Variants in MAGI2 observed in about 807,000 individuals in gnomAD.
The protein encoded by MAGI2 is membrane associated guanylate kinase, WW and PDZ domain containing 2, also known as membrane-associated guanylate kinase, WW and PDZ domain-containing protein 2.
MAGI2 carries 35 observed loss-of-function variants against 133.3 expected under a neutral mutation model. The ratio of observed to expected loss-of-function variants is 0.26; its 90% CI spans 0.20 to 0.35. The LOEUF is 0.35. Among genes scored for constraint, MAGI2 ranks in the 10% least tolerant of loss-of-function variants. MAGI2 has a pLI of 1.00. For synonymous variants in MAGI2, 729 were observed against 710.6 expected (o/e 1.03, Z -0.41); for missense variants, 1,636 against 1,863.4 (o/e 0.88, Z 2.25).
At chr7:78,155,546 G>A (rs561664344) in intron 16 of MAGI2, among the ~76,000 whole-genome samples, 1 of 152,300 alleles carries the variant, frequency 6.6e-6, no homozygotes, top group East Asian at 1.9e-4. Context: ...CCCAGGAGGT[G>A]AAGGTTGCAG....
At chr7:79,056,816 TAC>T (rs1813187928) in intron 1 of MAGI2, among the ~76,000 whole-genome samples, 1 of 152,224 alleles carries the variant, frequency 6.6e-6, no homozygotes, top group African/African-American at 2.4e-5. Flanking sequence ...TTCACTAAAA[TAC>T]TGCATGCAAT....
At chr7:78,176,908 G>GACTCTCACACACACAC (rs781171770) in intron 14 of MAGI2, among the ~76,000 whole-genome samples, 69 of 130,484 alleles carry the variant, frequency 5.3e-4, no homozygotes, top group African/African-American at 1.8e-3. Context: ...ACCATATATA[G>GACTCTCACACACACAC]ACACACACAC....
chr7:78,061,815 G>A (rs886854946), intron 21 of MAGI2, among the ~76,000 whole-genome samples: 7 of 152,202 alleles, frequency 4.6e-5, no homozygotes, highest in African/African-American at 1.4e-4. Context: ...AAAATCCAGC[G>A]AATACACTGA....
At position 78,160,263 on chromosome 7, in the gene MAGI2, G is replaced by T; in HGVS notation, c.2607C>A (p.Cys869Ter). ...AGCCTGGACTTCTCCCGTTCTCTGG[G>T]CAGGGCTCCCCTGCAAAATATACCA... Reference protein sequence around the residue: ...RRKVLCGGEPCPENGRSPGSV... With the variant: ...RRKVLCGGEP Residue 869 changes from cysteine (C) to a stop codon, truncating the protein, a stop_gained, in exon 16 of 22, where the codon TGC becomes TGA. Coordinates refer to ENST00000354212, the MANE Select transcript of MAGI2 (RefSeq NM_012301.4). LOFTEE classifies it high-confidence loss of function. 6.3e-7 allele frequency: 1 copy of T among 1,590,018 alleles called. No homozygotes were observed. Among genetic ancestry groups the T allele is most frequent in the Non-Finnish European group, 8.6e-7 (1 of 1,167,090 alleles).
intron 10 of MAGI2, among the ~76,000 whole-genome samples, chr7:78,241,319 A>C (rs931849395): frequency 4.6e-5 from 7 of 152,200 alleles, no homozygotes; most frequent in African/African-American, 1.7e-4. Context: ...GTGTGACAAT[A>C]ACTCTACAAG....
chr7:78,431,313 TC>T (rs1799772748), intron 6 of MAGI2, among the ~76,000 whole-genome samples: 2 of 152,102 alleles, frequency 1.3e-5, no homozygotes. Context: ...TCACAGTTTG[TC>T]CATTTTCTTT....
At chr7:79,406,379 G>A (rs1845810292) in intron 1 of MAGI2, among the ~76,000 whole-genome samples, 1 of 151,996 alleles carries the variant, frequency 6.6e-6, no homozygotes, top group South Asian at 2.1e-4. Context: ...GCCTGAGAGG[G>A]GCAAGGTACA....
intron 2 of MAGI2, among the ~76,000 whole-genome samples, chr7:78,843,629 G>A (rs1030870881): frequency 1.3e-5 from 2 of 151,702 alleles, no homozygotes; most frequent in Non-Finnish European, 2.9e-5. Flanking sequence ...GCAATTTTGT[G>A]TTTATAGGTT....
chr7:78,054,569 C>A (rs1294443500), intron 21 of MAGI2, among the ~76,000 whole-genome samples: 1 of 150,886 alleles, frequency 6.6e-6, no homozygotes, highest in Non-Finnish European at 1.5e-5. Flanking sequence ...ATTATTTAAG[C>A]CCCTTCATTC....
intron 6 of MAGI2, among the ~76,000 whole-genome samples, chr7:78,460,251 G>A (rs1003222644): frequency 3.3e-5 from 5 of 152,204 alleles, no homozygotes; most frequent in African/African-American, 1.2e-4. Flanking sequence ...AACTGAGTGC[G>A]CGAATCAATG....
At chr7:79,263,174 C>G (rs768466749) in intron 1 of MAGI2, among the ~76,000 whole-genome samples, 10 of 151,982 alleles carry the variant, frequency 6.6e-5, no homozygotes, top group Non-Finnish European at 2.9e-5. Flanking sequence ...TATGTCAATC[C>G]CCTATGAATC....
At chr7:78,657,803 A>G (rs1429593649) in intron 2 of MAGI2, among the ~76,000 whole-genome samples, 1 of 152,166 alleles carries the variant, frequency 6.6e-6, no homozygotes, top group Non-Finnish European at 1.5e-5. Flanking sequence ...TATGTAAACT[A>G]TGATCTCTGA....
chr7:78,793,205 G>A (rs1035263162), intron 2 of MAGI2, among the ~76,000 whole-genome samples: 1 of 152,218 alleles, frequency 6.6e-6, no homozygotes, highest in African/African-American at 2.4e-5. Context: ...GGGGTGTAGA[G>A]GAGAGACTCC....
At chr7:78,712,755 T>C (rs1215803806) in intron 2 of MAGI2, among the ~76,000 whole-genome samples, 1 of 152,176 alleles carries the variant, frequency 6.6e-6, no homozygotes, top group East Asian at 1.9e-4. Context: ...TAACTTCTAC[T>C]GTTATCTGTT....
intron 2 of MAGI2, among the ~76,000 whole-genome samples, chr7:78,646,544 G>C (rs1810915156): frequency 6.6e-6 from 1 of 152,084 alleles, no homozygotes; most frequent in South Asian, 2.1e-4. Flanking sequence ...TAAATACAAT[G>C]CTACAATTAA....
chr7:78,423,990 C>T (rs1003721473), intron 6 of MAGI2, among the ~76,000 whole-genome samples: 1 of 152,158 alleles, frequency 6.6e-6, no homozygotes. Context: ...AAGCCAGCTG[C>T]AGAAATTTGC....
At chr7:78,989,849 G>C (rs1284712625) in intron 2 of MAGI2, among the ~76,000 whole-genome samples, 1 of 151,920 alleles carries the variant, frequency 6.6e-6, no homozygotes, top group African/African-American at 2.4e-5. Flanking sequence ...CAACTCAGCT[G>C]CTGTTGCCTT....
rs187850502 is a variant in MAGI2, at chr7:78,229,653, G to A, written c.2047+26290C>T. 3.2e-3 allele frequency among the ~76,000 whole-genome samples: 491 copies of A among 152,334 alleles called. 4 individuals carry two copies. The highest frequency in any genetic ancestry group is 0.011 in the African/African-American group (440 of 41,582). On this transcript the variant is annotated intron_variant, in intron 10 of 21. Transcript: ENST00000354212. Reference sequence around the variant, plus strand: ...TCACTCTGCCAAGGAGGGATAGGCTGTTTTGGCCTTTTACAGTAATATTTG... The same window carrying A: ...TCACTCTGCCAAGGAGGGATAGGCTATTTTGGCCTTTTACAGTAATATTTG...
intron 1 of MAGI2, among the ~76,000 whole-genome samples, chr7:79,085,695 T>C (rs1049676923): frequency 6.6e-6 from 1 of 151,936 alleles, no homozygotes; most frequent in Non-Finnish European, 1.5e-5. Flanking sequence ...ACTAGTTTGT[T>C]TAGTATCTTT....
Sources: allele counts gnomAD v4.1 joint callset (sites outside exome capture counted in the v4.1 genomes callset), GRCh38; gene constraint gnomAD v4.1.1; transcripts MANE v1.5; gene names NCBI Gene and HGNC (gene_info 2026-07-23, HGNC 2026-07-21).